Variants in GRM1 observed in about 807,000 individuals in gnomAD.
The protein encoded by GRM1 is metabotropic glutamate receptor 1.
Under a neutral mutation model 90.9 loss-of-function variants are expected in GRM1, and 33 were observed. The ratio of observed to expected loss-of-function variants is 0.36; its 90% CI spans 0.28 to 0.49. The LOEUF is 0.49. Ranked by LOEUF, GRM1 falls within the 20% of genes least tolerant of loss-of-function variation. The probability of loss-of-function intolerance (pLI) is 0.99; values close to 1 mark genes in which losing one functional copy is unlikely to be tolerated. For synonymous variants in GRM1, 700 were observed against 613.2 expected (o/e 1.14, Z -2.09); for missense variants, 1,190 against 1,534.3 (o/e 0.78, Z 3.75).
chr6:146,069,442 G>A (rs1775956526), intron 1 of GRM1, among the ~76,000 whole-genome samples: 1 of 152,090 alleles, frequency 6.6e-6, no homozygotes, highest in African/African-American at 2.4e-5. Context: ...TGTGTTATGA[G>A]TAATAGGAAT....
At chr6:146,254,069 A>T (rs1453382716) in intron 2 of GRM1, among the ~76,000 whole-genome samples, 1 of 152,148 alleles carries the variant, frequency 6.6e-6, no homozygotes, top group Non-Finnish European at 1.5e-5. Flanking sequence ...CTGAGTATAA[A>T]CAACTTTGGC....
chr6:146,317,047 A>T (rs1783999237), intron 3 of GRM1, among the ~76,000 whole-genome samples: 1 of 152,354 alleles, frequency 6.6e-6, no homozygotes, highest in Admixed American at 6.5e-5. Context: ...ACTTTGAGGT[A>T]CATTGAACCT....
intron 2 of GRM1, among the ~76,000 whole-genome samples, chr6:146,231,383 A>G (rs1209270446): frequency 6.6e-6 from 1 of 152,148 alleles, no homozygotes; most frequent in Non-Finnish European, 1.5e-5. Context: ...TTCCACAGCA[A>G]TGCCAAGTCA....
In GRM1 at chr6:146,310,974, C is replaced by CT. The variant is rs973190448; in HGVS notation, c.1186+6134dup. Among the ~76,000 whole-genome samples the CT allele has an allele frequency of 9.2e-5, 14 of 152,210 alleles. No homozygotes were observed. The South Asian group carries it at 1.9e-3, about 20-fold the overall frequency. On this transcript the variant is annotated intron_variant, in intron 3 of 7. Transcript: ENST00000282753. ...AGCCCTGGGATGGTTTGTTATGCGG[C>CT]TTTTTTGGGGCAATTGATAACTGAT...
At chr6:146,407,446 A>G (rs372467133) in intron 7 of GRM1, among the ~76,000 whole-genome samples, 1 of 152,314 alleles carries the variant, frequency 6.6e-6, no homozygotes, top group Admixed American at 6.5e-5. Flanking sequence ...CTATTATGCT[A>G]TATCTTCAAA....
intron 5 of GRM1, among the ~76,000 whole-genome samples, chr6:146,382,712 A>C (rs1410510560): frequency 6.6e-6 from 1 of 152,176 alleles, no homozygotes; most frequent in African/African-American, 2.4e-5. Flanking sequence ...GTTATATTTC[A>C]AAGGTATTAA....
At chr6:146,187,708 GA>G (rs1159966425) in intron 2 of GRM1, among the ~76,000 whole-genome samples, 1 of 149,570 alleles carries the variant, frequency 6.7e-6, no homozygotes, top group African/African-American at 2.5e-5. Context: ...CAAACAAGAA[GA>G]AAAATATCTA....
intron 1 of GRM1, among the ~76,000 whole-genome samples, chr6:146,158,611 G>A (rs1583087078): frequency 6.6e-6 from 1 of 152,178 alleles, no homozygotes; most frequent in South Asian, 2.1e-4. Context: ...TAGAGACACA[G>A]AGGCTCATAA....
intron 2 of GRM1, among the ~76,000 whole-genome samples, chr6:146,274,620 A>C (rs1381195708): frequency 6.6e-6 from 1 of 152,224 alleles, no homozygotes; most frequent in Non-Finnish European, 1.5e-5. Context: ...CAGAGATTGC[A>C]ATTATGAAGC....
chr6:146,131,435 G>C (rs7771200), intron 1 of GRM1, among the ~76,000 whole-genome samples: 8,084 of 151,630 alleles, frequency 0.053, 709 homozygotes, highest in African/African-American at 0.18. Flanking sequence ...GCTGTAATGT[G>C]AAGATTATGG....
chr6:146,078,961 A>G (rs1332865332), intron 1 of GRM1, among the ~76,000 whole-genome samples: 1 of 152,156 alleles, frequency 6.6e-6, no homozygotes, highest in Non-Finnish European at 1.5e-5. Context: ...TTATTGGGCA[A>G]AAAGGAAAAA....
intron 7 of GRM1, among the ~76,000 whole-genome samples, chr6:146,425,146 A>C (rs967265244): frequency 1.3e-5 from 2 of 152,242 alleles, no homozygotes; most frequent in Non-Finnish European, 2.9e-5. Flanking sequence ...AAATGATTTC[A>C]TGAATGGTCC....
chr6:146,194,380 CA>C (rs749242836), intron 2 of GRM1, among the ~76,000 whole-genome samples: 7 of 152,144 alleles, frequency 4.6e-5, no homozygotes, highest in Non-Finnish European at 8.8e-5. Flanking sequence ...CTTAAGCCTT[CA>C]AATCAATGAC....
chr6:146,198,940 T>G (rs1000303994), intron 2 of GRM1, among the ~76,000 whole-genome samples: 2 of 152,176 alleles, frequency 1.3e-5, no homozygotes, highest in Non-Finnish European at 2.9e-5. Flanking sequence ...CATCCAATCC[T>G]CCATTCTTAC....
intron 3 of GRM1, among the ~76,000 whole-genome samples, chr6:146,311,102 T>A (rs1159106759): frequency 6.6e-6 from 1 of 152,176 alleles, no homozygotes; most frequent in African/African-American, 2.4e-5. Flanking sequence ...TCTTTTCCCA[T>A]CATAAGAAGA....
chr6:146,210,945 G>C (rs1163806779), intron 2 of GRM1, among the ~76,000 whole-genome samples: 1 of 152,014 alleles, frequency 6.6e-6, no homozygotes, highest in Non-Finnish European at 1.5e-5. Context: ...AGTAAGTTAA[G>C]CATATGGGTA....
chr6:146,169,661 C>A (rs994941644), intron 2 of GRM1, among the ~76,000 whole-genome samples: 2 of 152,160 alleles, frequency 1.3e-5, no homozygotes, highest in African/African-American at 4.8e-5. Context: ...CTGAATTTCC[C>A]CCGCCCTGTT....
At chr6:146,060,348 G>C (rs139686746) in intron 1 of GRM1, among the ~76,000 whole-genome samples, 2 of 151,936 alleles carry the variant, frequency 1.3e-5, no homozygotes, top group Admixed American at 6.6e-5. Flanking sequence ...TTCATTGCCC[G>C]GGTAATAAGG....
At chr6:146,140,823 T>C (rs1776851535) in intron 1 of GRM1, among the ~76,000 whole-genome samples, 1 of 152,248 alleles carries the variant, frequency 6.6e-6, no homozygotes, top group South Asian at 2.1e-4. Context: ...TATCTTACTG[T>C]ATCATTTATG....
Sources: allele counts gnomAD v4.1 joint callset (sites outside exome capture counted in the v4.1 genomes callset), GRCh38; gene constraint gnomAD v4.1.1; transcripts MANE v1.5; gene names NCBI Gene and HGNC (gene_info 2026-07-23, HGNC 2026-07-21).